Variants in PCDHA3 observed in about 807,000 individuals in gnomAD.
PCDHA3 encodes protocadherin alpha 3.
PCDHA3 carries 41 observed loss-of-function variants against 62.2 expected under a neutral mutation model. The ratio of observed to expected loss-of-function variants is 0.66; its 90% CI spans 0.51 to 0.86. The LOEUF is 0.86. Ranked by LOEUF, PCDHA3 falls within the 40% of genes least tolerant of loss-of-function variation. The probability of loss-of-function intolerance (pLI) is 0.00; values close to 1 mark genes in which losing one functional copy is unlikely to be tolerated. For synonymous variants in PCDHA3, 640 were observed against 555.4 expected (o/e 1.15, Z -2.14); for missense variants, 1,304 against 1,241.2 (o/e 1.05, Z -0.76).
intron 1 of PCDHA3, chr5:140,836,920 G>A: frequency 1.8e-6 from 1 of 542,350 alleles, no homozygotes; most frequent in Non-Finnish European, 3.1e-6. Flanking sequence ...TTTTGTTTTG[G>A]GATGCGTAAT....
intron 1 of PCDHA3, chr5:140,968,459 G>A (rs1554230743): frequency 6.2e-7 from 1 of 1,614,094 alleles, no homozygotes; most frequent in African/African-American, 1.3e-5. Flanking sequence ...CACTGTGACT[G>A]CCAACGTATA....
chr5:140,907,932 A>T (rs1291390398), intron 1 of PCDHA3, among the ~76,000 whole-genome samples: 1 of 152,202 alleles, frequency 6.6e-6, no homozygotes, highest in Non-Finnish European at 1.5e-5. Context: ...GTCCATTCAC[A>T]TACCTTTTCC....
At chr5:140,871,249 C>T (rs782675743) in intron 1 of PCDHA3, 1 of 1,613,984 alleles carries the variant, frequency 6.2e-7, no homozygotes, top group Non-Finnish European at 8.5e-7. Context: ...CACGCTGCTG[C>T]TGTATACGGC....
chr5:140,916,276 C>T (rs1012702427), intron 1 of PCDHA3, among the ~76,000 whole-genome samples: 4 of 152,192 alleles, frequency 2.6e-5, no homozygotes, highest in African/African-American at 7.2e-5. Flanking sequence ...GCTTGTTGCT[C>T]TACTCCACGT....
chr5:140,820,258 A>G (rs920321259), intron 1 of PCDHA3, among the ~76,000 whole-genome samples: 1 of 151,990 alleles, frequency 6.6e-6, no homozygotes, highest in African/African-American at 2.4e-5. Context: ...TTATAAGGGA[A>G]CTGGTAAATA....
At chr5:140,905,380 T>G (rs1226315920) in intron 1 of PCDHA3, among the ~76,000 whole-genome samples, 1 of 152,216 alleles carries the variant, frequency 6.6e-6, no homozygotes, top group African/African-American at 2.4e-5. Context: ...TCTGTTCTGT[T>G]TCATAGGTCT....
At chr5:140,872,850 G>T (rs1439631581) in intron 1 of PCDHA3, among the ~76,000 whole-genome samples, 2 of 152,084 alleles carry the variant, frequency 1.3e-5, no homozygotes, top group African/African-American at 4.8e-5. Context: ...ATATATTAAT[G>T]TGAGTACCTA....
Position 140,841,187 on chromosome 5 carries a change from CTT to C in PCDHA3, c.2394+37599_2394+37600del, listed in dbSNP as rs1212743736. On this transcript the variant is annotated intron_variant, in intron 1 of 3. Transcript: ENST00000522353. The stretch of plus-strand genomic sequence containing the variant: ...GTTCTGGTTGGTCAATGTTCAAAGT[CTT>C]TTCTCTGACAGCATCTGTCTCTAAA... 46 of 1,214,448 alleles carry C rather than the reference CTT, an allele frequency of 3.8e-5. 1 individual carries two copies. The Admixed American group carries it at 6.8e-4, about 18-fold the overall frequency. 75.2% of individuals were successfully genotyped at this position (1,214,448 alleles called of 1,614,324 possible).
intron 1 of PCDHA3, chr5:140,848,383 C>G (rs1781483118): frequency 8.4e-7 from 1 of 1,197,254 alleles, no homozygotes; most frequent in African/African-American, 1.5e-5. Flanking sequence ...TTCTTTTTCA[C>G]TCTCTCTGTG....
At chr5:140,891,889 G>C (rs1319520907) in intron 1 of PCDHA3, among the ~76,000 whole-genome samples, 1 of 152,224 alleles carries the variant, frequency 6.6e-6, no homozygotes, top group Non-Finnish European at 1.5e-5. Context: ...ATGTGACGAT[G>C]CAGCAAGAAG....
rs552420407 is a variant in PCDHA3, at chr5:140,883,937, G to A, written c.2394+80346G>A. Reference sequence around the variant, plus strand: ...CGTGACGCTGCAGGTGTTCGTGCTGGACGAGAACGACAACGCTCCGGCGCT... The same window carrying A: ...CGTGACGCTGCAGGTGTTCGTGCTGAACGAGAACGACAACGCTCCGGCGCT... On this transcript the variant is annotated intron_variant, in intron 1 of 3. Transcript: ENST00000522353. The A allele has an allele frequency of 5.6e-6, 9 of 1,613,414 alleles. 1 individual carries two copies. The South Asian group carries it at 9.9e-5, about 18-fold the overall frequency.
chr5:140,935,016 T>C (rs997789296), intron 1 of PCDHA3, among the ~76,000 whole-genome samples: 6 of 152,322 alleles, frequency 3.9e-5, no homozygotes, highest in Admixed American at 6.5e-5. Flanking sequence ...TGAGTCTTAA[T>C]AGTCTTTTGA....
intron 3 of PCDHA3, among the ~76,000 whole-genome samples, chr5:140,989,765 C>T (rs2097359812): frequency 6.6e-6 from 1 of 152,166 alleles, no homozygotes; most frequent in South Asian, 2.1e-4. Context: ...ATATTCAGTT[C>T]AAGCACTGGC....
chr5:140,871,257 G>C (rs374337862), intron 1 of PCDHA3: 21 of 1,613,824 alleles, frequency 1.3e-5, no homozygotes, highest in East Asian at 2.2e-5. Context: ...TGCTGTATAC[G>C]GCGCTGTGGT....
intron 1 of PCDHA3, chr5:140,850,000 G>T: frequency 3.1e-6 from 5 of 1,597,068 alleles, no homozygotes; most frequent in Non-Finnish European, 3.4e-6. Context: ...TTGGGCGAGC[G>T]CTCGCTGTCG....
intron 1 of PCDHA3, chr5:140,836,234 T>A: frequency 6.2e-7 from 1 of 1,613,668 alleles, no homozygotes; most frequent in Non-Finnish European, 8.5e-7. Context: ...TGGCGGCCGG[T>A]GCGAGCATCC....
At chr5:141,009,257 C>T (rs1375950001) in intron 3 of PCDHA3, among the ~76,000 whole-genome samples, 1 of 152,136 alleles carries the variant, frequency 6.6e-6, no homozygotes, top group East Asian at 1.9e-4. Flanking sequence ...GTGTTTGAGA[C>T]CAGCCTGGGC....
At chr5:140,877,942 C>G (rs1274042326) in intron 1 of PCDHA3, 1 of 1,367,756 alleles carries the variant, frequency 7.3e-7, no homozygotes, top group African/African-American at 1.5e-5. Context: ...ATCCTTTAAA[C>G]TATCGAATGT....
intron 1 of PCDHA3, chr5:140,843,324 C>A: frequency 6.3e-7 from 1 of 1,596,010 alleles, no homozygotes; most frequent in Middle Eastern, 1.7e-4. Flanking sequence ...GTTCTGGTGT[C>A]GCTGGTGGAG....
Sources: gnomAD v4.1 joint callset for allele counts (sites outside exome capture counted in the v4.1 genomes callset) on GRCh38, gnomAD v4.1.1 for gene constraint, MANE v1.5 for transcripts, NCBI Gene and HGNC (gene_info 2026-07-23, HGNC 2026-07-21) for gene names.